Variants in SEC31A observed in about 807,000 individuals in gnomAD.
SEC31A encodes the protein protein transport protein Sec31A.
A neutral mutation model predicts 151.0 loss-of-function variants in SEC31A; 70 were observed. That is an observed-to-expected ratio of 0.46 (90% CI 0.38 to 0.57). The LOEUF is 0.57. Ranked by LOEUF, SEC31A falls within the 20% of genes least tolerant of loss-of-function variation. The probability of loss-of-function intolerance (pLI) is 0.00; values close to 1 mark genes in which losing one functional copy is unlikely to be tolerated. For synonymous variants in SEC31A, 475 were observed against 505.9 expected, an observed-to-expected ratio of 0.94 and a Z score of 0.82; for missense variants, 1,330 against 1,471.2, an observed-to-expected ratio of 0.90 and a Z score of 1.57.
chr4:82,857,045 G>A lies in SEC31A; in HGVS notation c.1788C>T (p.Ala596=), dbSNP rs766342160. The part of the protein sequence containing the change: ...VDLCLHDNRM[A]DAIILAIAGG... ...CTGCTATGGCCAATATAATGGCATCGGCCATGCGGTTATCATGTAAACAAA... is the reference window on the plus strand; with the variant it reads ...CTGCTATGGCCAATATAATGGCATCAGCCATGCGGTTATCATGTAAACAAA... The change falls in exon 16 of 27, where the codon GCC becomes GCT. Residue 596 remains alanine (A), a synonymous_variant. Coordinates refer to ENST00000395310, the MANE Select transcript of SEC31A (RefSeq NM_001077207.4). The A allele has an allele frequency of 1.5e-5, 25 of 1,613,792 alleles. No homozygotes were observed. The highest frequency in any genetic ancestry group is 2.2e-5 in the East Asian group (1 of 44,874).
rs1384246127 is a variant in SEC31A, at chr4:82,856,916, A to C, written c.1881+36T>G. 16 of 1,537,856 alleles carry C rather than the reference A, an allele frequency of 1.0e-5. No individual in the cohort carries two copies. The Admixed American group carries it at 2.8e-4, about 27-fold the overall frequency. On this transcript the variant is annotated intron_variant, in intron 16 of 26. Transcript: ENST00000395310. ...GTGTATTGTTTTTATAATTAGAAAG[A>C]TAAATACGTTATTGCTTATTTTTAA...
At chr4:82,832,178 CA>C (rs1352272159) in intron 22 of SEC31A, among the ~76,000 whole-genome samples, 4 of 152,130 alleles carry the variant, frequency 2.6e-5, no homozygotes, top group African/African-American at 9.7e-5. Context: ...CTACAGTAAC[CA>C]AAACAGCAAG....
At chr4:82,832,225 A>C (rs1419325024) in intron 22 of SEC31A, among the ~76,000 whole-genome samples, 1 of 152,220 alleles carries the variant, frequency 6.6e-6, no homozygotes, top group Non-Finnish European at 1.5e-5. Context: ...GACCAATGGA[A>C]CAGAACGGAG....
At position 82,880,903 on chromosome 4, in the gene SEC31A, C is replaced by T; in HGVS notation, c.99G>A (p.Leu33=). ...YLATGTSAQQ[L]DATFSTNASL... ...AAGCATTCGTACTAAATGTTGCATC[C>T]AATTGCTGAGCAGATGTTCCTATAG... The change falls in exon 3 of 27, where the codon TTG becomes TTA. Residue 33 remains leucine (L), a synonymous_variant. Transcript: ENST00000395310. 6.2e-7 allele frequency: 1 copy of T among 1,609,476 alleles called. No individual in the cohort carries two copies.
In SEC31A at chr4:82,880,759, T is replaced by C. The variant is rs1553936256; in HGVS notation, c.203+40A>G. 5 of 1,550,824 alleles carry C rather than the reference T, an allele frequency of 3.2e-6. No individual in the cohort carries two copies. The South Asian group carries it at 5.9e-5, about 18-fold the overall frequency. On this transcript the variant is annotated intron_variant, in intron 3 of 26. Transcript: ENST00000395310. ...CAAATTAGGAATCAAGAACAATATATAATTAAATAATCACATGAATTTAAA... is the reference window on the plus strand; with the variant it reads ...CAAATTAGGAATCAAGAACAATATACAATTAAATAATCACATGAATTTAAA...
intron 3 of SEC31A, among the ~76,000 whole-genome samples, chr4:82,897,380 A>G (rs1451591038): frequency 6.6e-6 from 1 of 152,234 alleles, no homozygotes; most frequent in Non-Finnish European, 1.5e-5. Context: ...AACTCAAACA[A>G]TGAAAAATTC....
intron 24 of SEC31A, among the ~76,000 whole-genome samples, chr4:82,825,377 T>C (rs374583004): frequency 1.3e-3 from 203 of 152,114 alleles, no homozygotes; most frequent in African/African-American, 4.7e-3. Flanking sequence ...ACATCACCAA[T>C]GTACATAAAA....
intron 12 of SEC31A, 151 bp downstream of exon 12, chr4:82,863,167 T>C (rs751238109): frequency 5.3e-6 from 3 of 567,540 alleles, no homozygotes; most frequent in Non-Finnish European, 9.1e-6. Context: ...TGATGGAGAA[T>C]AAGAAAAAGA....
chr4:82,856,968 T>G lies in SEC31A; in HGVS notation c.1865A>C (p.Gln622Pro). The change falls in exon 16 of 27, where the codon CAA (glutamine) becomes CCA (proline). Residue 622 changes from glutamine to proline, a missense_variant. Gln to Pro is a moderately conservative substitution (Grantham distance 76). Coordinates refer to ENST00000395310, the MANE Select transcript of SEC31A (RefSeq NM_001077207.4). Reference protein sequence around the residue: ...RTQKKYFAKSQSKITRLITAV... With the variant: ...RTQKKYFAKSPSKITRLITAV... ...ATAACATACCCTGGTAATTTTGCTTTGGGATTTTGCGAAGTATTTTTTCTG... is the reference window on the plus strand; with the variant it reads ...ATAACATACCCTGGTAATTTTGCTTGGGGATTTTGCGAAGTATTTTTTCTG... 1 of 1,606,204 alleles carries G rather than the reference T, an allele frequency of 6.2e-7. No homozygotes were observed. The highest frequency in any genetic ancestry group is 8.5e-7 in the Non-Finnish European group (1 of 1,178,000).
intron 7 of SEC31A, chr4:82,871,467 G>T: frequency 7.9e-7 from 1 of 1,270,410 alleles, no homozygotes; most frequent in South Asian, 1.3e-5. Context: ...TTTTACCATA[G>T]ACTAACTGAT....
chr4:82,890,260 G>A (rs949147003), intron 1 of SEC31A, among the ~76,000 whole-genome samples: 2 of 150,534 alleles, frequency 1.3e-5, no homozygotes, highest in African/African-American at 2.4e-5. Flanking sequence ...TGAATAAACG[G>A]AGGTACAGAA....
In SEC31A at chr4:82,851,457, C is replaced by G; in HGVS notation, c.2302G>C (p.Ala768Pro). ...AAQGSIAAAL[A>P]FLPDNTNQPN... Reference sequence around the variant, plus strand: ...TGGTTGGTGTTGTCAGGAAGAAAAGCCAAGGCTGCAGCAATACTGCCCTGA... The same window carrying G: ...TGGTTGGTGTTGTCAGGAAGAAAAGGCAAGGCTGCAGCAATACTGCCCTGA... Residue 768 changes from alanine (A) to proline (P), a missense_variant, in exon 19 of 27, where the codon GCT becomes CCT. Physicochemically the swap from Ala to Pro is conservative, Grantham distance 27. Coordinates refer to ENST00000395310, the MANE Select transcript of SEC31A (RefSeq NM_001077207.4). The G allele has an allele frequency of 1.2e-6, 2 of 1,611,894 alleles. No homozygotes were observed. Among genetic ancestry groups the G allele is most frequent in the East Asian group, 2.2e-5 (1 of 44,864 alleles).
At position 82,842,409 on chromosome 4, in the gene SEC31A, G is replaced by A. The variant is rs769321422; in HGVS notation, c.2699C>T (p.Ala900Val). The change falls in exon 22 of 27, where the codon GCT (alanine) becomes GTT (valine). Residue 900 changes from alanine to valine, a missense_variant. Ala to Val is a moderately conservative substitution (Grantham distance 64). Coordinates refer to ENST00000395310, the MANE Select transcript of SEC31A (RefSeq NM_001077207.4). Reference protein sequence around the residue: ...SAMYRPQQPVAPPTSNAYPNT... With the variant: ...SAMYRPQQPVVPPTSNAYPNT... ...AGGGTAAGCGTTTGAAGTAGGAGGA[G>A]CAACAGGCTGCTGAGGTCGATACAT... The A allele has an allele frequency of 7.6e-5, 122 of 1,613,862 alleles. 1 individual carries two copies. The highest frequency in any genetic ancestry group is 3.4e-6 in the Non-Finnish European group (4 of 1,179,970).
At position 82,848,893 on chromosome 4, in the gene SEC31A, C is replaced by T. The variant is rs367848552; in HGVS notation, c.2413G>A (p.Glu805Lys). ...CTGCCCTTGGGGAGCTGCTGTTTCT[C>T]GTACGGAATTTTAGGTGATTCATGT... ...AGHESPKIPY[E>K]KQQLPKGRPG... The change falls in exon 20 of 27, where the codon GAG (glutamate) becomes AAG (lysine). Residue 805 changes from glutamate to lysine, a missense_variant. Physicochemically the swap from Glu to Lys is moderately conservative, Grantham distance 56. Coordinates refer to ENST00000395310, the MANE Select transcript of SEC31A (RefSeq NM_001077207.4). 6.2e-5 allele frequency: 100 copies of T among 1,613,944 alleles called. No homozygotes were observed. Among genetic ancestry groups the T allele is most frequent in the East Asian group, 1.6e-4 (7 of 44,890 alleles).
At chr4:82,882,259 C>T (rs548459442) in intron 1 of SEC31A, among the ~76,000 whole-genome samples, 7 of 152,002 alleles carry the variant, frequency 4.6e-5, no homozygotes, top group East Asian at 3.9e-4. Flanking sequence ...AAAAATTAGC[C>T]GGGCGTGGTG....
At chr4:82,821,168 C>A (rs1445332482) in intron 25 of SEC31A, 60 bp from the exon 26 acceptor site, 5 of 1,340,700 alleles carry the variant, frequency 3.7e-6, no homozygotes, top group Non-Finnish European at 4.3e-6. Context: ...TAAGAACTTG[C>A]CCTATCTCAT....
At position 82,837,158 on chromosome 4, in the gene SEC31A, CATATATATATATATATATATATATAT is replaced by C. The variant is rs138120291; in HGVS notation, c.2968+4956_2968+4981del. 2.6e-4 allele frequency among the ~76,000 whole-genome samples: 11 copies of C among 42,674 alleles called. 1 individual carries two copies. Among genetic ancestry groups the C allele is most frequent in the South Asian group, 1.1e-3 (1 of 924 alleles). The allele number at this position is 42,674 out of a possible 152,430, so 28.0% of individuals were successfully genotyped here. ...CAAACATGGTTAAAATAAATTTTAT[CATATATATATATATATATATATATAT>C]ATATATATATATATAATTTCACCAC... On this transcript the variant is annotated intron_variant, in intron 22 of 26. Coordinates refer to ENST00000395310, the MANE Select transcript of SEC31A (RefSeq NM_001077207.4).
chr4:82,832,285 C>T (rs1726123869), intron 22 of SEC31A, among the ~76,000 whole-genome samples: 1 of 152,134 alleles, frequency 6.6e-6, no homozygotes, highest in Non-Finnish European at 1.5e-5. Context: ...TTTGACAAAC[C>T]TGACACACAC....
intron 2 of SEC31A, among the ~76,000 whole-genome samples, chr4:82,881,152 A>G (rs1265870365): frequency 6.6e-6 from 1 of 152,190 alleles, no homozygotes; most frequent in East Asian, 1.9e-4. Context: ...GTATATATTT[A>G]AAAATCTCTG....
Sources: allele counts gnomAD v4.1 joint callset (sites outside exome capture counted in the v4.1 genomes callset), GRCh38; gene constraint gnomAD v4.1.1; transcripts MANE v1.5; gene names NCBI Gene and HGNC (gene_info 2026-07-23, HGNC 2026-07-21).